The following MID1 variants were observed in gnomAD, a reference collection of about 807,000 sequenced individuals.
MID1 encodes midline 1, also known as E3 ubiquitin-protein ligase Midline-1.
In MID1, 7 loss-of-function variants were observed where a neutral mutation model predicts 40.4. The ratio of observed to expected loss-of-function variants is 0.17; its 90% confidence interval spans 0.10 to 0.33. MID1 has a LOEUF of 0.33. Ranked by LOEUF, MID1 falls within the 10% of genes least tolerant of loss-of-function variation. The pLI is 1.00. For synonymous variants in MID1, 229 were observed against 221.2 expected, an observed-to-expected ratio of 1.04 and a Z score of -0.31; for missense variants, 367 against 558.5, an observed-to-expected ratio of 0.66 and a Z score of 3.46.
intron 9 of MID1, 120 bp downstream of exon 9, chrX:10,454,750 A>G: frequency 1.6e-6 from 1 of 613,383 alleles, no homozygotes; most frequent in Non-Finnish European, 2.7e-6. Flanking sequence ...GCAAGAGCTG[A>G]CTAATACAAC....
At chrX:10,730,673 G>A (rs2043440821) in intron 1 of MID1, among the ~76,000 whole-genome samples, 1 of 102,744 alleles carries the variant, frequency 9.7e-6, no homozygotes, top group African/African-American at 3.6e-5. Flanking sequence ...CCGTGTTCAC[G>A]CCATTCTCCT....
At chrX:10,715,204 C>G (rs1307363809) in intron 1 of MID1, among the ~76,000 whole-genome samples, 1 of 112,040 alleles carries the variant, frequency 8.9e-6, no homozygotes, top group Non-Finnish European at 1.9e-5. Context: ...GGGTGCAGGA[C>G]AGTGGGTGCA....
intron 3 of MID1, among the ~76,000 whole-genome samples, chrX:10,503,223 C>T (rs1931647419): frequency 8.9e-6 from 1 of 111,824 alleles, no homozygotes; most frequent in Non-Finnish European, 1.9e-5. Flanking sequence ...TTAGACAGAG[C>T]TGCCAGAGGA....
chrX:10,715,789 AC>A (rs1187665923), intron 1 of MID1, among the ~76,000 whole-genome samples: 1 of 111,255 alleles, frequency 9.0e-6, no homozygotes, highest in African/African-American at 3.3e-5. Context: ...ACTGGGAGGC[AC>A]CCCCCAGTAG....
chrX:10,555,857 C>A (rs148982704), intron 2 of MID1, among the ~76,000 whole-genome samples: 1 of 110,857 alleles, frequency 9.0e-6, no homozygotes, highest in African/African-American at 3.3e-5. Context: ...CTATTCTAGG[C>A]ACCCTGCACA....
intron 6 of MID1, among the ~76,000 whole-genome samples, chrX:10,473,394 GT>G (rs1476462319): frequency 8.9e-6 from 1 of 112,065 alleles, no homozygotes; most frequent in Non-Finnish European, 1.9e-5. Flanking sequence ...GAAAGAGAGA[GT>G]TACATAAGAT....
At chrX:10,590,391 G>A (rs1935265202) in intron 1 of MID1, among the ~76,000 whole-genome samples, 1 of 111,695 alleles carries the variant, frequency 9.0e-6, no homozygotes, top group Admixed American at 9.4e-5. Context: ...ACCAAGAGAA[G>A]AGCTTGGGAA....
At chrX:10,515,629 T>C (rs771699152) in intron 3 of MID1, among the ~76,000 whole-genome samples, 5 of 112,534 alleles carry the variant, frequency 4.4e-5, no homozygotes, top group Non-Finnish European at 9.4e-5. Context: ...TGAAGTGATG[T>C]TGGATTAGAA....
intron 1 of MID1, among the ~76,000 whole-genome samples, chrX:10,712,305 C>T (rs1316421871): frequency 9.0e-6 from 1 of 111,052 alleles, no homozygotes; most frequent in Non-Finnish European, 1.9e-5. Context: ...ATCAGCGCTT[C>T]CTGATAAGAT....
chrX:10,573,805 A>G (rs1405451964), intron 1 of MID1, among the ~76,000 whole-genome samples: 1 of 111,844 alleles, frequency 8.9e-6, no homozygotes, highest in Non-Finnish European at 1.9e-5. Context: ...GATGGTCGAG[A>G]ACCCCTTTCT....
intron 1 of MID1, among the ~76,000 whole-genome samples, chrX:10,594,485 T>C (rs1935374476): frequency 3.6e-5 from 4 of 111,704 alleles, no homozygotes; most frequent in African/African-American, 1.3e-4. Flanking sequence ...ATACTCAAAA[T>C]CAGTGTCAAG....
chrX:10,691,706 C>T (rs765467728), intron 1 of MID1, among the ~76,000 whole-genome samples: 45 of 111,786 alleles, frequency 4.0e-4, no homozygotes, highest in Non-Finnish European at 7.5e-4. Context: ...AGAATAACAG[C>T]GATTTTCAGG....
At chrX:10,573,322 G>A (rs990774908) in intron 1 of MID1, among the ~76,000 whole-genome samples, 3 of 111,824 alleles carry the variant, frequency 2.7e-5, no homozygotes, top group African/African-American at 6.5e-5. Context: ...TATTTAGCTC[G>A]TGGCTCCACA....
At chrX:10,664,302 C>A (rs1234864796) in intron 1 of MID1, among the ~76,000 whole-genome samples, 3 of 111,474 alleles carry the variant, frequency 2.7e-5, no homozygotes, top group Non-Finnish European at 5.6e-5. Flanking sequence ...GCTAGGATTA[C>A]AGTCATGTAC....
chrX:10,610,300 C>T (rs911103583), intron 1 of MID1, among the ~76,000 whole-genome samples: 4 of 112,241 alleles, frequency 3.6e-5, no homozygotes, highest in African/African-American at 1.3e-4. Flanking sequence ...AATCCCACTT[C>T]TGGGGATTTT....
chrX:10,578,149 G>T (rs1934921289), intron 1 of MID1, among the ~76,000 whole-genome samples: 2 of 112,638 alleles, frequency 1.8e-5, no homozygotes, highest in South Asian at 7.2e-4. Context: ...TGCAAACATA[G>T]ATTTTTTGGC....
At chrX:10,663,647 C>T (rs754337472) in intron 1 of MID1, among the ~76,000 whole-genome samples, 10 of 110,736 alleles carry the variant, frequency 9.0e-5, no homozygotes, top group Admixed American at 3.9e-4. Flanking sequence ...ATTCACATGC[C>T]GTGTAAGACT....
intron 1 of MID1, among the ~76,000 whole-genome samples, chrX:10,646,223 T>C (rs1322575140): frequency 8.9e-6 from 1 of 111,947 alleles, no homozygotes; most frequent in Non-Finnish European, 1.9e-5. Context: ...CCGCTTTAAA[T>C]GTTGATGGGT....
At chrX:10,630,830 T>C (rs1936045379) in intron 1 of MID1, among the ~76,000 whole-genome samples, 1 of 110,413 alleles carries the variant, frequency 9.1e-6, no homozygotes, top group Non-Finnish European at 1.9e-5. Flanking sequence ...GTACAATGAG[T>C]GTGGCTTGCT....
Sources: allele counts gnomAD v4.1 joint callset (sites outside exome capture counted in the v4.1 genomes callset), GRCh38; gene constraint gnomAD v4.1.1; transcripts MANE v1.5; gene names NCBI Gene and HGNC (gene_info 2026-07-23, HGNC 2026-07-21).